Variants in HOMER1 observed in about 807,000 individuals in gnomAD.
HOMER1 encodes the protein homer protein homolog 1.
Under a neutral mutation model 48.9 loss-of-function variants are expected in HOMER1, and 3 were observed. The observed-to-expected ratio is 0.06, with a 90% CI of 0.03 to 0.16. The LOEUF (loss-of-function observed/expected upper bound fraction) is 0.16. HOMER1 is among the 10% of genes least tolerant of loss of function. HOMER1 has a pLI of 1.00. For missense variants in HOMER1, 247 were observed against 411.4 expected, an observed-to-expected ratio of 0.60 and a Z score of 3.46; for synonymous variants, 134 against 146.4, an observed-to-expected ratio of 0.92 and a Z score of 0.61.
intron 7 of HOMER1, 63 bp downstream of exon 7, chr5:79,397,464 G>T: frequency 1.0e-6 from 1 of 977,162 alleles, no homozygotes; most frequent in Non-Finnish European, 1.6e-6. Context: ...AATTTGACAT[G>T]GAATCTAATA....
At chr5:79,397,740 A>T (rs886825414) in intron 6 of HOMER1, 103 bp from the exon 7 acceptor site, 2 of 547,856 alleles carry the variant, frequency 3.7e-6, no homozygotes, top group Admixed American at 7.2e-5. Flanking sequence ...CTGAATAAAT[A>T]TATAAAAATT....
chr5:79,453,748 T>C (rs895076509), intron 2 of HOMER1, among the ~76,000 whole-genome samples: 1 of 152,108 alleles, frequency 6.6e-6, no homozygotes, highest in Non-Finnish European at 1.5e-5. Context: ...AAAGCAAACT[T>C]CATATGCACA....
In HOMER1 at chr5:79,397,499, T is replaced by C. The variant is rs545071709; in HGVS notation, c.795+28A>G. On this transcript the variant is annotated intron_variant, in intron 7 of 8. Transcript: ENST00000334082. The stretch of plus-strand genomic sequence containing the variant: ...ACTTTGTACAAACATGTTAGCTAGA[T>C]TACAGATGAGTAAAAAGCAGCAAAT... The C allele has an allele frequency of 2.2e-5, 27 of 1,221,792 alleles. No individual in the cohort carries two copies. The East Asian group carries it at 6.1e-4, about 28-fold the overall frequency. 75.7% of individuals were successfully genotyped at this position (1,221,792 alleles called of 1,614,324 possible).
intron 8 of HOMER1, among the ~76,000 whole-genome samples, chr5:79,379,824 A>G (rs528917457): frequency 1.1e-3 from 160 of 152,012 alleles, no homozygotes; most frequent in African/African-American, 3.7e-3. Flanking sequence ...TTCCTTTACT[A>G]ATGTAAGGCA....
intron 8 of HOMER1, among the ~76,000 whole-genome samples, chr5:79,377,051 C>T (rs1476439760): frequency 5.3e-5 from 8 of 152,104 alleles, no homozygotes; most frequent in African/African-American, 1.4e-4. Flanking sequence ...CTGCAACCTC[C>T]GCCTCCCAGG....
intron 4 of HOMER1, among the ~76,000 whole-genome samples, chr5:79,439,782 C>T (rs1750692920): frequency 6.6e-6 from 1 of 152,054 alleles, no homozygotes; most frequent in Non-Finnish European, 1.5e-5. Flanking sequence ...TACAAAATTT[C>T]CTGTCTTATT....
chr5:79,410,556 A>G (rs939175899), intron 5 of HOMER1, among the ~76,000 whole-genome samples: 2 of 151,760 alleles, frequency 1.3e-5, no homozygotes, highest in Non-Finnish European at 2.9e-5. Flanking sequence ...ATTTTTGTCA[A>G]TCTTCCCTGT....
chr5:79,437,544 CAAT>C (rs1750626291), intron 5 of HOMER1, among the ~76,000 whole-genome samples: 1 of 152,194 alleles, frequency 6.6e-6, no homozygotes, highest in Non-Finnish European at 1.5e-5. Flanking sequence ...TATACCACAA[CAAT>C]AAATCTATAA....
At chr5:79,407,924 C>T (rs1016470733) in intron 5 of HOMER1, among the ~76,000 whole-genome samples, 2 of 152,156 alleles carry the variant, frequency 1.3e-5, no homozygotes, top group African/African-American at 4.8e-5. Flanking sequence ...CAACTATAGT[C>T]TGAAAATATT....
At chr5:79,496,167 T>C (rs1339414331) in intron 1 of HOMER1, among the ~76,000 whole-genome samples, 1 of 152,286 alleles carries the variant, frequency 6.6e-6, no homozygotes, top group Middle Eastern at 3.4e-3. Context: ...GGCTAGAATT[T>C]AGAGGCAAAG....
At chr5:79,503,836 G>A (rs1156539234) in intron 1 of HOMER1, among the ~76,000 whole-genome samples, 1 of 152,116 alleles carries the variant, frequency 6.6e-6, no homozygotes, top group African/African-American at 2.4e-5. Flanking sequence ...TTCACATTGA[G>A]CAGGCTGAGG....
chr5:79,504,905 T>C (rs990010940), intron 1 of HOMER1, among the ~76,000 whole-genome samples: 1 of 152,198 alleles, frequency 6.6e-6, no homozygotes, highest in Non-Finnish European at 1.5e-5. Context: ...CACTATGAAC[T>C]TGTGGGTTAG....
At chr5:79,395,187 T>A (rs1749349374) in intron 8 of HOMER1, among the ~76,000 whole-genome samples, 1 of 152,206 alleles carries the variant, frequency 6.6e-6, no homozygotes, top group African/African-American at 2.4e-5. Flanking sequence ...AGAGCTAATG[T>A]AAGTTAAGTG....
At chr5:79,470,403 C>T (rs1751584922) in intron 1 of HOMER1, among the ~76,000 whole-genome samples, 1 of 152,174 alleles carries the variant, frequency 6.6e-6, no homozygotes, top group Non-Finnish European at 1.5e-5. Context: ...CCCTGCAGAT[C>T]ATGGCCAAAA....
intron 5 of HOMER1, among the ~76,000 whole-genome samples, chr5:79,426,115 G>C (rs528961344): frequency 6.6e-6 from 1 of 151,862 alleles, no homozygotes; most frequent in Non-Finnish European, 1.5e-5. Context: ...TATCAAAGGG[G>C]CAGAAAATAG....
intron 1 of HOMER1, among the ~76,000 whole-genome samples, chr5:79,459,997 G>A (rs1751272948): frequency 6.6e-6 from 1 of 150,466 alleles, no homozygotes; most frequent in Non-Finnish European, 1.5e-5. Context: ...TTATAAACAC[G>A]AAATAGTTTT....
At chr5:79,482,964 C>T (rs1334118612) in intron 1 of HOMER1, among the ~76,000 whole-genome samples, 1 of 152,128 alleles carries the variant, frequency 6.6e-6, no homozygotes, top group East Asian at 1.9e-4. Flanking sequence ...GATCATGCCA[C>T]TGCACTCCAG....
At chr5:79,427,136 G>A (rs1750279166) in intron 5 of HOMER1, among the ~76,000 whole-genome samples, 1 of 152,026 alleles carries the variant, frequency 6.6e-6, no homozygotes, top group Non-Finnish European at 1.5e-5. Context: ...AAACTAGGTA[G>A]AACACTGTCT....
chr5:79,505,678 T>G (rs1429565513), intron 1 of HOMER1, among the ~76,000 whole-genome samples: 1 of 152,150 alleles, frequency 6.6e-6, no homozygotes, highest in African/African-American at 2.4e-5. Flanking sequence ...TGTTAAGAGA[T>G]AAAGGTGATT....
Sources: gnomAD v4.1 joint callset for allele counts (sites outside exome capture counted in the v4.1 genomes callset) on GRCh38, gnomAD v4.1.1 for gene constraint, MANE v1.5 for transcripts, NCBI Gene and HGNC (gene_info 2026-07-23, HGNC 2026-07-21) for gene names.